Variants in EXOC6B observed in about 807,000 individuals in gnomAD.
EXOC6B encodes SEC15 homolog B.
Under a neutral mutation model 113.5 loss-of-function variants are expected in EXOC6B, and 54 were observed. The observed-to-expected ratio is 0.48, with a 90% CI of 0.38 to 0.60. The LOEUF (loss-of-function observed/expected upper bound fraction) is 0.60, where lower values mean the gene tolerates loss of function less well. EXOC6B is among the 20% of genes least tolerant of loss of function. The pLI is 0.00. For missense variants in EXOC6B, 797 were observed against 977.5 expected, an observed-to-expected ratio of 0.82 and a Z score of 2.46; for synonymous variants, 357 against 339.0, an observed-to-expected ratio of 1.05 and a Z score of -0.58.
chr2:72,611,407 T>A (rs940176161), intron 6 of EXOC6B, among the ~76,000 whole-genome samples: 10 of 149,902 alleles, frequency 6.7e-5, no homozygotes, highest in Admixed American at 6.6e-4. Context: ...CAAGGAAAGA[T>A]TTAGAAACCA....
At chr2:72,783,267 T>C (rs1684164708) in intron 1 of EXOC6B, among the ~76,000 whole-genome samples, 1 of 151,286 alleles carries the variant, frequency 6.6e-6, no homozygotes, top group African/African-American at 2.4e-5. Flanking sequence ...TTTCTCTGAT[T>C]AGTGGTGTTG....
At chr2:72,356,849 G>A in intron 19 of EXOC6B, among the ~76,000 whole-genome samples, 1 of 152,076 alleles carries the variant, frequency 6.6e-6, no homozygotes, top group East Asian at 1.9e-4. Context: ...CTTGCATTGT[G>A]GGGCCATTAT....
intron 18 of EXOC6B, among the ~76,000 whole-genome samples, chr2:72,381,408 T>C (rs1331089880): frequency 2.6e-5 from 4 of 152,134 alleles, no homozygotes; most frequent in East Asian, 1.9e-4. Flanking sequence ...TTGGCTATTA[T>C]AAACAGAGTA....
intron 16 of EXOC6B, among the ~76,000 whole-genome samples, chr2:72,486,225 T>C (rs1488078360): frequency 1.3e-5 from 2 of 151,988 alleles, no homozygotes; most frequent in Non-Finnish European, 2.9e-5. Flanking sequence ...AAAAATTAGC[T>C]GGGTGTGGTG....
At chr2:72,378,794 C>T (rs1286930394) in intron 19 of EXOC6B, among the ~76,000 whole-genome samples, 2 of 152,114 alleles carry the variant, frequency 1.3e-5, no homozygotes, top group Non-Finnish European at 2.9e-5. Context: ...CCAAGAGTCA[C>T]ATCATTTCTT....
At chr2:72,181,420 C>A (rs1354535178) in intron 21 of EXOC6B, among the ~76,000 whole-genome samples, 1 of 152,092 alleles carries the variant, frequency 6.6e-6, no homozygotes, top group Non-Finnish European at 1.5e-5. Context: ...TGTATTTGTT[C>A]CCTAACACAC....
chr2:72,466,077 G>A (rs1489514834), intron 17 of EXOC6B, among the ~76,000 whole-genome samples: 1 of 152,122 alleles, frequency 6.6e-6, no homozygotes, highest in Non-Finnish European at 1.5e-5. Flanking sequence ...AGGTGCAGTG[G>A]CTCATGCGTG....
intron 1 of EXOC6B, among the ~76,000 whole-genome samples, chr2:72,796,071 C>A (rs1684924790): frequency 6.6e-6 from 1 of 151,714 alleles, no homozygotes; most frequent in African/African-American, 2.4e-5. Flanking sequence ...GATCCGCCCA[C>A]CTTGGCCTCC....
chr2:72,317,175 T>G (rs1687567529), intron 20 of EXOC6B, among the ~76,000 whole-genome samples: 1 of 150,938 alleles, frequency 6.6e-6, no homozygotes. Context: ...TTTTAAATAG[T>G]AGGTGGCAGA....
chr2:72,499,796 A>G (rs1389249885), intron 12 of EXOC6B, 105 bp downstream of exon 12: 2 of 717,120 alleles, frequency 2.8e-6, no homozygotes, highest in Non-Finnish European at 4.8e-6. Context: ...AGGCTTCCAA[A>G]GAACTATGAT....
chr2:72,620,344 T>C (rs1042342534), intron 6 of EXOC6B, among the ~76,000 whole-genome samples: 1 of 152,124 alleles, frequency 6.6e-6, no homozygotes, highest in East Asian at 1.9e-4. Context: ...GATGCTGGGC[T>C]TAATACCTAG....
chr2:72,485,711 CAA>C (rs1280085784), intron 16 of EXOC6B, among the ~76,000 whole-genome samples: 2 of 152,120 alleles, frequency 1.3e-5, no homozygotes, highest in Non-Finnish European at 2.9e-5. Context: ...CTTCTGTTAA[CAA>C]GAGAGAGGGG....
intron 6 of EXOC6B, among the ~76,000 whole-genome samples, chr2:72,655,943 C>G (rs960983488): frequency 3.3e-5 from 5 of 151,932 alleles, no homozygotes; most frequent in African/African-American, 1.2e-4. Flanking sequence ...AGATAGGATG[C>G]CTCTATTGTA....
chr2:72,286,739 G>A (rs1374268066), intron 20 of EXOC6B, among the ~76,000 whole-genome samples: 1 of 152,064 alleles, frequency 6.6e-6, no homozygotes, highest in Non-Finnish European at 1.5e-5. Context: ...TGCATGTAGA[G>A]GGGGCAAGAA....
chr2:72,430,047 A>G (rs913644452), intron 18 of EXOC6B, among the ~76,000 whole-genome samples: 2 of 152,212 alleles, frequency 1.3e-5, no homozygotes, highest in Non-Finnish European at 2.9e-5. Flanking sequence ...TTTCCAAGAG[A>G]ACTATTTTGA....
chr2:72,441,289 G>A (rs1384680150), intron 18 of EXOC6B, among the ~76,000 whole-genome samples: 1 of 152,046 alleles, frequency 6.6e-6, no homozygotes, highest in Admixed American at 6.6e-5. Context: ...ATATCAAAAA[G>A]TTACAAAGAT....
intron 16 of EXOC6B, among the ~76,000 whole-genome samples, chr2:72,484,447 G>C (rs1228257935): frequency 6.6e-6 from 1 of 151,052 alleles, no homozygotes; most frequent in East Asian, 2.0e-4. Flanking sequence ...GGCGCCTGTA[G>C]TCCCAGCTAC....
chr2:72,224,470 A>G (rs1196342695), intron 20 of EXOC6B, among the ~76,000 whole-genome samples: 1 of 152,218 alleles, frequency 6.6e-6, no homozygotes, highest in Non-Finnish European at 1.5e-5. Context: ...TAAAAATAAA[A>G]TCAACAGTAC....
At chr2:72,783,326 T>C (rs867842512) in intron 1 of EXOC6B, among the ~76,000 whole-genome samples, 1 of 133,502 alleles carries the variant, frequency 7.5e-6, no homozygotes, top group Non-Finnish European at 1.6e-5. Context: ...TTCTTTTTTT[T>C]TTTTTTTTTT....
Sources: gnomAD v4.1 joint callset for allele counts (sites outside exome capture counted in the v4.1 genomes callset) on GRCh38, gnomAD v4.1.1 for gene constraint, MANE v1.5 for transcripts, NCBI Gene and HGNC (gene_info 2026-07-23, HGNC 2026-07-21) for gene names.